Variants in SIRPA observed in about 807,000 individuals in gnomAD.
SIRPA encodes signal regulatory protein alpha.
A neutral mutation model predicts 50.3 loss-of-function variants in SIRPA; 9 were observed. The observed-to-expected ratio is 0.18, with a 90% CI of 0.11 to 0.31. SIRPA has a LOEUF of 0.31. SIRPA is among the 10% of genes least tolerant of loss of function. The probability of loss-of-function intolerance (pLI) is 1.00; values close to 1 mark genes in which losing one functional copy is unlikely to be tolerated. For missense variants in SIRPA, 474 were observed against 661.6 expected (o/e 0.72, Z 3.11); for synonymous variants, 265 against 284.1 (o/e 0.93, Z 0.68).
rs1210257540 is a variant in SIRPA at position 1,912,474 on chromosome 20, C to T, written c.80-2625C>T. Among the ~76,000 whole-genome samples the T allele has an allele frequency of 3.9e-5, 6 of 152,226 alleles. No individual in the cohort carries two copies. The East Asian group carries it at 7.7e-4, about 19-fold the overall frequency. ...CATCCTTCCTTCCTTCATTCATTAC[C>T]GCATTCATTCTGCATATTTTTATCG... On this transcript the variant is annotated intron_variant, in intron 1 of 7. Transcript: ENST00000358771.
At chr20:1,922,170 G>T (rs1466463063) in intron 3 of SIRPA, 143 bp from the exon 4 acceptor site, 2 of 840,282 alleles carry the variant, frequency 2.4e-6, no homozygotes, top group African/African-American at 3.4e-5. Context: ...TATGCAAAGA[G>T]CACCCTCAAT....
rs1041083282 is a variant in SIRPA, at chr20:1,932,388, AT to A, written c.1227-2326del. 1.3e-5 allele frequency among the ~76,000 whole-genome samples: 2 copies of A among 152,188 alleles called. No individual in the cohort carries two copies. The highest frequency in any genetic ancestry group is 4.8e-5 in the African/African-American group (2 of 41,438). ...ATGAGGAGGTTCCAGCCAAGGGAAT[AT>A]CTGGGACAAGACTGCACCAATCAAA... On this transcript the variant is annotated intron_variant, in intron 6 of 7. Transcript: ENST00000358771. This position sits in a 1 kb window ranked among gnomAD's most constrained non-coding sequence, Gnocchi z 6.0.
In SIRPA at chr20:1,934,293, A is replaced by C. The variant is rs991173251; in HGVS notation, c.1227-422A>C. 6.6e-6 allele frequency among the ~76,000 whole-genome samples: 1 copy of C among 152,208 alleles called. No individual in the cohort carries two copies. Among genetic ancestry groups the C allele is most frequent in the African/African-American group, 2.4e-5 (1 of 41,452 alleles). On this transcript the variant is annotated intron_variant, in intron 6 of 7. Transcript: ENST00000358771. This position sits in a 1 kb window ranked among gnomAD's most constrained non-coding sequence, Gnocchi z 4.6. ...TGCCTTTGTGTTGAAAGCTTTTTCT[A>C]TATTTTGAATTCCCCCAAAAAAAAG...
chr20:1,899,745 G>T (rs1384251618), intron 1 of SIRPA, among the ~76,000 whole-genome samples: 1 of 152,180 alleles, frequency 6.6e-6, no homozygotes, highest in Admixed American at 6.5e-5. Context: ...AGACCCCTGG[G>T]TGTTGATCTG....
intron 1 of SIRPA, among the ~76,000 whole-genome samples, chr20:1,902,625 C>G (rs1463221899): frequency 6.6e-6 from 1 of 152,082 alleles, no homozygotes; most frequent in African/African-American, 2.4e-5. Flanking sequence ...ACAAATGATG[C>G]CAGGTAGCTG....
At chr20:1,926,801 C>T (rs1161326541) in intron 5 of SIRPA, among the ~76,000 whole-genome samples, 1 of 152,230 alleles carries the variant, frequency 6.6e-6, no homozygotes, top group Non-Finnish European at 1.5e-5. Context: ...CCACCTTGCA[C>T]ACTACCTCCC....
At chr20:1,903,032 A>AG (rs1491365001) in intron 1 of SIRPA, among the ~76,000 whole-genome samples, 1 of 107,862 alleles carries the variant, frequency 9.3e-6, no homozygotes, top group Non-Finnish European at 1.9e-5. Flanking sequence ...AAAAAAAAAA[A>AG]GAAAAGAAAG....
At chr20:1,920,643 T>C (rs1430754326) in intron 2 of SIRPA, among the ~76,000 whole-genome samples, 2 of 152,214 alleles carry the variant, frequency 1.3e-5, no homozygotes, top group African/African-American at 4.8e-5. Flanking sequence ...CAGAAAAGTA[T>C]CCCTTCCTTT....
chr20:1,905,415 G>C (rs965030883), intron 1 of SIRPA, among the ~76,000 whole-genome samples: 6 of 152,162 alleles, frequency 3.9e-5, no homozygotes, highest in Admixed American at 6.5e-5. Flanking sequence ...CTGTAGGAGG[G>C]GACAGTGACA....
Position 1,922,303 on chromosome 20 carries a change from G to A in SIRPA, c.755-10G>A. On this transcript the variant is annotated splice_polypyrimidine_tract_variant and intron_variant, in intron 3 of 7. Coordinates refer to ENST00000358771, the MANE Select transcript of SIRPA (RefSeq NM_001040023.2). ...CACAAGGTCAGAGCTTCTGCCCTGT[G>A]CTGTTTCAGTTCCACCCACCTTGGA... 4 of 1,613,652 alleles carry A rather than the reference G, an allele frequency of 2.5e-6. No individual in the cohort carries two copies. Among genetic ancestry groups the A allele is most frequent in the Non-Finnish European group, 3.4e-6 (4 of 1,179,630 alleles).
rs1404347755 is a variant in SIRPA, at chr20:1,937,666, T to TCTGGGACCCA, written c.*98_*99insCTGGGACCCA. ...ACAGCCAACCCAGTTCCCGGAGGGCTGGGGCGGTGCAGGCTCTGGGACCCA... is the reference window on the plus strand; with the variant it reads ...ACAGCCAACCCAGTTCCCGGAGGGCTCTGGGACCCAGGGGCGGTGCAGGCTCTGGGACCCA... On this transcript the variant is annotated 3_prime_UTR_variant, in exon 8 of 8. Coordinates refer to ENST00000358771, the MANE Select transcript of SIRPA (RefSeq NM_001040023.2). The surrounding 1 kb of genome is among the most constrained non-coding windows in gnomAD (Gnocchi z 8.3). The TCTGGGACCCA allele has an allele frequency of 4.6e-6, 7 of 1,506,760 alleles. No homozygotes were observed. The highest frequency in any genetic ancestry group is 1.4e-5 in the African/African-American group (1 of 72,664). 93.3% of individuals were successfully genotyped at this position (1,506,760 alleles called of 1,614,324 possible). A position where few individuals can be genotyped will look rare whatever the true frequency, so the allele number is the denominator to read the frequency against.
At chr20:1,907,351 C>T (rs1391688476) in intron 1 of SIRPA, among the ~76,000 whole-genome samples, 1 of 152,230 alleles carries the variant, frequency 6.6e-6, no homozygotes, top group Non-Finnish European at 1.5e-5. Context: ...AGAATGTTCC[C>T]AGTGCTGGCC....
chr20:1,914,051 T>C (rs1452104979), intron 1 of SIRPA, among the ~76,000 whole-genome samples: 1 of 152,228 alleles, frequency 6.6e-6, no homozygotes, highest in Non-Finnish European at 1.5e-5. Context: ...CAGTGAGGCC[T>C]GGATCACAGG....
rs1986439924 is a variant in SIRPA at position 1,934,042 on chromosome 20, T to C, written c.1227-673T>C. Reference sequence around the variant, plus strand: ...GACCACTGCAGTTTGCATTTTGCTATGTTTCCTTCCAGTGTTATCCACACA... The same window carrying C: ...GACCACTGCAGTTTGCATTTTGCTACGTTTCCTTCCAGTGTTATCCACACA... On this transcript the variant is annotated intron_variant, in intron 6 of 7. Coordinates refer to ENST00000358771, the MANE Select transcript of SIRPA (RefSeq NM_001040023.2). The surrounding 1 kb of genome is among the most constrained non-coding windows in gnomAD (Gnocchi z 4.6). Among the ~76,000 whole-genome samples the C allele has an allele frequency of 6.6e-6, 1 of 152,254 alleles. No individual in the cohort carries two copies. Among genetic ancestry groups the C allele is most frequent in the Admixed American group, 6.5e-5 (1 of 15,290 alleles).
At position 1,940,334 on chromosome 20, in the gene SIRPA, C is replaced by T. The variant is rs1391045503; in HGVS notation, c.*2766C>T. On this transcript the variant is annotated 3_prime_UTR_variant, in exon 8 of 8. Transcript: ENST00000358771. ...GTCTTTCCTTCCTGCCCTGACCCTG[C>T]ATAGCTGAGTCTCGTGGCCTCTCAC... The T allele has an allele frequency of 6.6e-6, 1 of 152,224 alleles. No individual in the cohort carries two copies. The highest frequency in any genetic ancestry group is 1.5e-5 in the Non-Finnish European group (1 of 68,060). The allele number at this position is 152,224 out of a possible 1,614,324, so 9.4% of individuals were successfully genotyped here. A position where few individuals can be genotyped will look rare whatever the true frequency, so the allele number is the denominator to read the frequency against.
chr20:1,922,211 T>A, intron 3 of SIRPA, 102 bp from the exon 4 acceptor site: 1 of 1,444,268 alleles, frequency 6.9e-7, no homozygotes, highest in East Asian at 2.4e-5. Context: ...CCTAGCTCTG[T>A]CCTGGTGATG....
intron 2 of SIRPA, among the ~76,000 whole-genome samples, chr20:1,917,646 C>T (rs1311658671): frequency 6.6e-6 from 1 of 152,194 alleles, no homozygotes; most frequent in Non-Finnish European, 1.5e-5. Flanking sequence ...AAGGACAGGT[C>T]TCAGCACATC....
chr20:1,909,838 A>G (rs1357309437), intron 1 of SIRPA, among the ~76,000 whole-genome samples: 2 of 152,228 alleles, frequency 1.3e-5, no homozygotes, highest in East Asian at 1.9e-4. Flanking sequence ...AAATATTTTC[A>G]TCTTTTAATC....
intron 1 of SIRPA, among the ~76,000 whole-genome samples, chr20:1,906,179 C>G (rs1984534050): frequency 6.6e-6 from 1 of 152,092 alleles, no homozygotes; most frequent in Non-Finnish European, 1.5e-5. Context: ...AGATAAAGAG[C>G]CAGAGGTCCA....
Sources: gnomAD v4.1 joint callset for allele counts (sites outside exome capture counted in the v4.1 genomes callset) on GRCh38, gnomAD v4.1.1 for gene constraint, Gnocchi (gnomAD v3.1) non-coding constraint, MANE v1.5 for transcripts, NCBI Gene and HGNC (gene_info 2026-07-23, HGNC 2026-07-21) for gene names.